ZFHX4: variants seen among roughly 807,000 people sequenced by gnomAD.
The protein encoded by ZFHX4 is zinc finger homeobox protein 4.
A neutral mutation model predicts 267.6 loss-of-function variants in ZFHX4; 56 were observed. That is an observed-to-expected ratio of 0.21 (90% confidence interval 0.17 to 0.26). The LOEUF (loss-of-function observed/expected upper bound fraction) is 0.26. Ranked by LOEUF, ZFHX4 falls within the 10% of genes least tolerant of loss-of-function variation. The pLI is 1.00. For synonymous variants in ZFHX4, 1,778 were observed against 1,665.6 expected, an observed-to-expected ratio of 1.07 and a Z score of -1.64; for missense variants, 4,332 against 4,420.0, an observed-to-expected ratio of 0.98 and a Z score of 0.56.
rs1197364126 is a variant in ZFHX4, at chr8:76,851,862, G to C, written c.4941G>C (p.Gln1647His). 2 of 1,613,842 alleles carry C rather than the reference G, an allele frequency of 1.2e-6. No homozygotes were observed. Among genetic ancestry groups the C allele is most frequent in the Non-Finnish European group, 1.7e-6 (2 of 1,179,876 alleles). ...CAGCAAATGTCAACAGCCCTGGCCA[G>C]GGGATGTTAGATTCCATGAGTTTAG... ...SIAANVNSPG[Q>H]GMLDSMSLAA... The change falls in exon 10 of 11, where the codon CAG becomes CAC. Residue 1647 changes from glutamine (Q) to histidine (H), a missense_variant. By Grantham distance (24) the Gln-to-His change is conservative. Around this residue, in one of 7 missense-constraint regions of ZFHX4, gnomAD observed 1,371 missense variants for 1,423.1 expected, o/e 0.96. Coordinates refer to ENST00000651372, the MANE Select transcript of ZFHX4 (RefSeq NM_024721.5).
chr8:76,850,454 T>G (rs1326858859), intron 9 of ZFHX4, 92 bp downstream of exon 9: 9 of 1,085,336 alleles, frequency 8.3e-6, no homozygotes, highest in Admixed American at 5.4e-5. Context: ...TCAAAAGATT[T>G]TCGTAAAGCA....
In ZFHX4 at chr8:76,864,322, G is replaced by A; in HGVS notation, c.10608G>A (p.Arg3536=). 1 of 1,613,780 alleles carries A rather than the reference G, an allele frequency of 6.2e-7. No homozygotes were observed. The highest frequency in any genetic ancestry group is 8.5e-7 in the Non-Finnish European group (1 of 1,179,854). The change falls in exon 11 of 11, where the codon AGG becomes AGA. Residue 3536 remains arginine (R), a synonymous_variant. Transcript: ENST00000651372. ...WPNILFQASA[R]RAASPPSSPP... ...ATATCCTTTTCCAAGCGTCTGCCAG[G>A]AGAGCTGCTTCTCCCCCTTCTTCTC...
intron 4 of ZFHX4, among the ~76,000 whole-genome samples, chr8:76,828,781 T>A (rs1811853491): frequency 6.6e-6 from 1 of 152,096 alleles, no homozygotes; most frequent in East Asian, 1.9e-4. Context: ...AAAGTAAGAG[T>A]TGGGCTTATT....
At position 76,816,324 on chromosome 8, in the gene ZFHX4, G is replaced by A. The variant is rs183034476; in HGVS notation, c.3326-17014G>A. 2.8e-4 allele frequency among the ~76,000 whole-genome samples: 42 copies of A among 152,260 alleles called. No individual in the cohort carries two copies. In the East Asian group the frequency reaches 6.4e-3, roughly 23 times the overall value. ...GAACATTTTTTTAAACGTCATAATA[G>A]AGGATAAGATACATATTGCACTGAT... On this transcript the variant is annotated intron_variant, in intron 4 of 10. Coordinates refer to ENST00000651372, the MANE Select transcript of ZFHX4 (RefSeq NM_024721.5).
Position 76,856,181 on chromosome 8 carries a change from G to C in ZFHX4, c.9260G>C (p.Ser3087Thr), listed in dbSNP as rs1812720796. Residue 3087 changes from serine to threonine, a missense_variant, in exon 10 of 11, where the codon AGT becomes ACT. Physicochemically the swap from Ser to Thr is moderately conservative, Grantham distance 58 (BLOSUM62 1). This residue lies in a region of ZFHX4 where 1,648 missense variants were observed against 1,625.0 expected (regional missense o/e 1.01). Transcript: ENST00000651372. ...CAGCAGCCAGGCATGATGGACAGCA[G>C]TTCTCTCCACGGCATCAGCCTGCCA... ...TVQQPGMMDSSSLHGISLPTA... is the reference protein window; with the variant it reads ...TVQQPGMMDSTSLHGISLPTA... The C allele has an allele frequency of 6.2e-7, 1 of 1,613,962 alleles. No homozygotes were observed. Among genetic ancestry groups the C allele is most frequent in the Non-Finnish European group, 8.5e-7 (1 of 1,179,868 alleles).
rs890593977 is a variant in ZFHX4 at position 76,736,967 on chromosome 8, C to T, written c.3093+28919C>T. 1.4e-4 allele frequency among the ~76,000 whole-genome samples: 21 copies of T among 152,114 alleles called. 1 individual carries two copies. In the South Asian group the frequency reaches 3.1e-3, roughly 23 times the overall value. ...CATGTGAATAATGGGACACTACAAA[C>T]ATGAGCATTTAACCTAGACTTTTCT... On this transcript the variant is annotated intron_variant, in intron 3 of 10. Transcript: ENST00000651372.
Position 76,863,178 on chromosome 8 carries a change from C to T in ZFHX4, c.9464C>T (p.Thr3155Ile). Residue 3155 changes from threonine to isoleucine, a missense_variant, in exon 11 of 11, where the codon ACC becomes ATC. This residue lies in a region of ZFHX4 where 1,648 missense variants were observed against 1,625.0 expected (regional missense o/e 1.01). Transcript: ENST00000651372. ...GCCCTGTCTCTCAGCAGTGCCCCCA[C>T]CAAACCTTTGCTGCAGACTCCACCA... ...SPALSLSSAP[T>I]KPLLQTPPPP... The T allele has an allele frequency of 6.4e-7, 1 of 1,557,382 alleles. No homozygotes were observed. Among genetic ancestry groups the T allele is most frequent in the East Asian group, 2.4e-5 (1 of 41,338 alleles).
intron 1 of ZFHX4, among the ~76,000 whole-genome samples, chr8:76,697,201 C>G (rs914254306): frequency 2.6e-5 from 4 of 151,870 alleles, no homozygotes; most frequent in African/African-American, 7.2e-5. Context: ...GTTCAATAAT[C>G]AATTTCATAT....
intron 4 of ZFHX4, among the ~76,000 whole-genome samples, chr8:76,806,881 C>A (rs957948394): frequency 4.0e-5 from 6 of 151,758 alleles, no homozygotes; most frequent in Non-Finnish European, 8.8e-5. Flanking sequence ...AAAGTGAATC[C>A]CCTATTTGAG....
At chr8:76,764,391 A>G (rs537683825) in intron 3 of ZFHX4, among the ~76,000 whole-genome samples, 1 of 152,092 alleles carries the variant, frequency 6.6e-6, no homozygotes, top group East Asian at 1.9e-4. Context: ...CTCTAGTTTC[A>G]CGGACCAGCT....
rs1554572142 is a variant in ZFHX4 at position 76,835,225 on chromosome 8, A to ATATG, written c.3394+1822_3394+1823insGTAT. ...TGCTTTGGTGTATATATATGTATAT[A>ATATG]TATATATATATATATGTATATATAT... On this transcript the variant is annotated intron_variant, in intron 5 of 10. Coordinates refer to ENST00000651372, the MANE Select transcript of ZFHX4 (RefSeq NM_024721.5). Among the ~76,000 whole-genome samples the ATATG allele has an allele frequency of 4.9e-4, 47 of 96,896 alleles. 1 individual carries two copies. In the South Asian group the frequency reaches 8.6e-3, roughly 18 times the overall value. The allele number at this position is 96,896 out of a possible 152,430, so 63.6% of individuals were successfully genotyped here.
chr8:76,798,839 A>G (rs971382899), intron 4 of ZFHX4, among the ~76,000 whole-genome samples: 2 of 152,160 alleles, frequency 1.3e-5, no homozygotes, highest in African/African-American at 2.4e-5. Context: ...TCAAAATTGC[A>G]TAATCCATCA....
In ZFHX4 at chr8:76,849,045, C is replaced by G; in HGVS notation, c.3562C>G (p.Gln1188Glu). Residue 1188 changes from glutamine to glutamate, a missense_variant, in exon 7 of 11, where the codon CAG becomes GAG. Physicochemically the swap from Gln to Glu is conservative, Grantham distance 29. Transcript: ENST00000651372. ...ELKVSVAGGT[Q>E]PLLLAKEEDV... is the part of the protein sequence containing the mutation. ...AAAAGTTAGTGTGGCAGGGGGTACC[C>G]AGCCACTCCTGCTGGCAAAAGAAGA... 5 of 1,564,632 alleles carry G rather than the reference C, an allele frequency of 3.2e-6. No homozygotes were observed. Among genetic ancestry groups the G allele is most frequent in the Non-Finnish European group, 4.3e-6 (5 of 1,154,152 alleles).
chr8:76,706,115 A>G lies in ZFHX4; in HGVS notation c.2027A>G (p.Tyr676Cys), dbSNP rs1190611753. 1.9e-6 allele frequency: 3 copies of G among 1,613,514 alleles called. No homozygotes were observed. The highest frequency in any genetic ancestry group is 2.5e-6 in the Non-Finnish European group (3 of 1,179,810). Residue 676 changes from tyrosine (Y) to cysteine (C), a missense_variant, in exon 2 of 11, where the codon TAT becomes TGT. This residue lies in a region of ZFHX4 where 1,195 missense variants were observed against 1,173.6 expected (regional missense o/e 1.02). Transcript: ENST00000651372. ...KHPEPGGSCV[Y>C]CKTGQPHPRL... Reference sequence around the variant, plus strand: ...CCTGAGCCGGGTGGCTCTTGTGTTTATTGTAAGACTGGACAGCCTCACCCC... The same window carrying G: ...CCTGAGCCGGGTGGCTCTTGTGTTTGTTGTAAGACTGGACAGCCTCACCCC...
intron 5 of ZFHX4, 36 bp downstream of exon 5, chr8:76,833,442 G>A: frequency 6.6e-7 from 1 of 1,515,534 alleles, no homozygotes; most frequent in East Asian, 2.3e-5. Context: ...ATATTTCCTT[G>A]TCCTAAATGA....
chr8:76,789,782 C>A (rs1268061577), intron 4 of ZFHX4, among the ~76,000 whole-genome samples: 2 of 152,074 alleles, frequency 1.3e-5, no homozygotes, highest in East Asian at 3.8e-4. Context: ...AAATAATAGG[C>A]TGTTTCATTA....
At chr8:76,765,290 T>C (rs759317157) in intron 3 of ZFHX4, among the ~76,000 whole-genome samples, 18 of 152,142 alleles carry the variant, frequency 1.2e-4, no homozygotes, top group Non-Finnish European at 2.4e-4. Context: ...GAAAGCACGA[T>C]TTTAAAAAAT....
At chr8:76,713,226 C>A (rs910743825) in intron 3 of ZFHX4, among the ~76,000 whole-genome samples, 3 of 151,612 alleles carry the variant, frequency 2.0e-5, no homozygotes, top group African/African-American at 7.3e-5. Context: ...TTGTACCATA[C>A]CAGAAAAGAA....
chr8:76,714,930 T>A lies in ZFHX4; in HGVS notation c.3093+6882T>A, dbSNP rs73690868. ...CGTAGTCATCAAGAGTTTCCATGCA[T>A]TTTTTCAGCAATGTTTAGTCAAAGG... On this transcript the variant is annotated intron_variant, in intron 3 of 10. Coordinates refer to ENST00000651372, the MANE Select transcript of ZFHX4 (RefSeq NM_024721.5). Among the ~76,000 whole-genome samples the A allele has an allele frequency of 7.0e-3, 1,064 of 152,310 alleles. 12 individuals are homozygous for A. Among genetic ancestry groups the A allele is most frequent in the African/African-American group, 0.024 (1,000 of 41,554 alleles).
Sources: gnomAD v4.1 joint callset for allele counts (sites outside exome capture counted in the v4.1 genomes callset) on GRCh38, gnomAD v4.1.1 for gene constraint, gnomAD v4.1.1 regional missense constraint, MANE v1.5 for transcripts, NCBI Gene and HGNC (gene_info 2026-07-23, HGNC 2026-07-21) for gene names.